The following SLC23A2 variants were observed in gnomAD, a reference collection of about 807,000 sequenced individuals.
SLC23A2 encodes the protein solute carrier family 23 member 2.
Under a neutral mutation model 73.3 loss-of-function variants are expected in SLC23A2, and 36 were observed. The ratio of observed to expected loss-of-function variants is 0.49; its 90% CI spans 0.38 to 0.65. The LOEUF is 0.65. SLC23A2 is among the 30% of genes least tolerant of loss of function. The pLI is 0.00. For synonymous variants in SLC23A2, 343 were observed against 327.3 expected (o/e 1.05, Z -0.52); for missense variants, 507 against 841.6 (o/e 0.60, Z 4.92).
At chr20:4,988,744 AAAAG>A (rs1355466131) in intron 1 of SLC23A2, among the ~76,000 whole-genome samples, 114 of 151,266 alleles carry the variant, frequency 7.5e-4, no homozygotes, top group African/African-American at 2.6e-3. Flanking sequence ...CAAAAAAAAA[AAAAG>A]AAAGAAAGAA....
At chr20:4,988,914 A>G (rs901532840) in intron 1 of SLC23A2, among the ~76,000 whole-genome samples, 5 of 151,700 alleles carry the variant, frequency 3.3e-5, no homozygotes, top group African/African-American at 9.7e-5. Flanking sequence ...CTGTCAAGGA[A>G]AGGGAAAGGG....
intron 9 of SLC23A2, among the ~76,000 whole-genome samples, chr20:4,875,382 C>T (rs920613959): frequency 6.6e-6 from 1 of 152,166 alleles, no homozygotes; most frequent in Non-Finnish European, 1.5e-5. Context: ...CTCAACCTTA[C>T]GGGGTGGCTT....
intron 1 of SLC23A2, among the ~76,000 whole-genome samples, chr20:4,983,482 TA>T (rs36060486): frequency 0.23 from 34,660 of 150,884 alleles, 6,344 homozygotes; most frequent in African/African-American, 0.5. Context: ...CCGTCTCTAC[TA>T]AAAATACAAA....
chr20:4,921,795 A>G (rs890621179), intron 3 of SLC23A2, among the ~76,000 whole-genome samples: 19 of 152,198 alleles, frequency 1.2e-4, no homozygotes, highest in Admixed American at 1.2e-3. Flanking sequence ...ATAATGAAAA[A>G]GGGACAGAAA....
At chr20:5,004,856 G>C (rs1011777592), upstream of SLC23A2, among the ~76,000 whole-genome samples, 8 of 151,992 alleles carry the variant, frequency 5.3e-5, no homozygotes, top group Non-Finnish European at 1.2e-4. Context: ...AAAATTAGCC[G>C]AGCATGGTGG....
chr20:5,009,230 C>A (rs1189069940), intron 1 of SLC23A2, among the ~76,000 whole-genome samples: 1 of 152,084 alleles, frequency 6.6e-6, no homozygotes, highest in Non-Finnish European at 1.5e-5. Flanking sequence ...TTCTCAGATT[C>A]TTCTTCCTCC....
At chr20:5,004,813 A>T (rs1286263660), upstream of SLC23A2, among the ~76,000 whole-genome samples, 2 of 152,144 alleles carry the variant, frequency 1.3e-5, no homozygotes, top group Non-Finnish European at 2.9e-5. Flanking sequence ...CAGCCTGACC[A>T]ACATGGAGAA....
intron 5 of SLC23A2, among the ~76,000 whole-genome samples, chr20:4,901,674 T>C (rs1032011863): frequency 3.9e-5 from 6 of 152,024 alleles, no homozygotes; most frequent in African/African-American, 1.4e-4. Context: ...GCTGCTACCA[T>C]GGCAAGTTTC....
upstream of SLC23A2, among the ~76,000 whole-genome samples, chr20:5,002,052 C>A (rs2088135944): frequency 6.6e-6 from 1 of 152,072 alleles, no homozygotes; most frequent in Admixed American, 6.5e-5. Context: ...CTCTGGGGGT[C>A]GTGTTAGGCT....
intron 3 of SLC23A2, among the ~76,000 whole-genome samples, chr20:4,930,605 G>C (rs1243765987): frequency 1.3e-5 from 2 of 152,224 alleles, no homozygotes. Context: ...GATCACCTGA[G>C]GTCAGGAGTT....
intron 2 of SLC23A2, among the ~76,000 whole-genome samples, chr20:4,967,880 A>G (rs981316661): frequency 9.8e-5 from 15 of 152,344 alleles, no homozygotes; most frequent in African/African-American, 3.6e-4. Flanking sequence ...CAGCTATGAA[A>G]GCCAGGCACT....
chr20:4,969,315 C>T lies in SLC23A2; in HGVS notation c.-155+1478G>A, dbSNP rs149676816. On this transcript the variant is annotated intron_variant, in intron 2 of 16. Coordinates refer to ENST00000338244, the MANE Select transcript of SLC23A2 (RefSeq NM_005116.6). ...TGTTGTACAGGCTGGTCTTGAACTC[C>T]GGACCTCAGGTGATCCGCCCGCCTC... Among the ~76,000 whole-genome samples the T allele has an allele frequency of 2.2e-3, 328 of 152,010 alleles. 1 individual carries two copies. Among genetic ancestry groups the T allele is most frequent in the East Asian group, 0.014 (73 of 5,150 alleles).
intron 2 of SLC23A2, among the ~76,000 whole-genome samples, chr20:4,952,917 G>A (rs6084943): frequency 6.6e-6 from 1 of 152,040 alleles, no homozygotes; most frequent in Admixed American, 6.6e-5. Flanking sequence ...CAGCTACTCA[G>A]GAGGCTGAGG....
intron 1 of SLC23A2, among the ~76,000 whole-genome samples, chr20:4,976,114 A>G (rs1425465840): frequency 4.0e-5 from 6 of 151,220 alleles, no homozygotes; most frequent in African/African-American, 1.5e-4. Flanking sequence ...CGCCCTCCCA[A>G]AGTGCTGGAA....
intron 2 of SLC23A2, among the ~76,000 whole-genome samples, chr20:4,958,944 C>A (rs538158380): frequency 6.6e-6 from 1 of 151,974 alleles, no homozygotes. Flanking sequence ...GGTGTGGTGG[C>A]TCATGCCTGT....
intron 1 of SLC23A2, among the ~76,000 whole-genome samples, chr20:5,000,106 G>A (rs2088092590): frequency 2.0e-5 from 3 of 152,040 alleles, no homozygotes; most frequent in Admixed American, 6.6e-5. Context: ...GTAGTAATAC[G>A]TTCATAAGTG....
intron 3 of SLC23A2, among the ~76,000 whole-genome samples, chr20:4,930,610 G>C (rs1932778233): frequency 1.3e-5 from 2 of 152,232 alleles, no homozygotes; most frequent in Admixed American, 6.5e-5. Flanking sequence ...CCTGAGGTCA[G>C]GAGTTCGAGA....
At chr20:4,893,782 C>T (rs1416625794) in intron 6 of SLC23A2, among the ~76,000 whole-genome samples, 1 of 152,198 alleles carries the variant, frequency 6.6e-6, no homozygotes, top group African/African-American at 2.4e-5. Flanking sequence ...CAGGAGGGCT[C>T]TCTCAGAGGG....
intron 8 of SLC23A2, 70 bp downstream of exon 8, chr20:4,884,683 T>C: frequency 9.9e-7 from 1 of 1,005,054 alleles, no homozygotes; most frequent in Non-Finnish European, 1.6e-6. Context: ...CTGCTATTTC[T>C]TGGGTCAACC....
Sources: gnomAD v4.1 joint callset for allele counts (sites outside exome capture counted in the v4.1 genomes callset) on GRCh38, gnomAD v4.1.1 for gene constraint, MANE v1.5 for transcripts, NCBI Gene and HGNC (gene_info 2026-07-23, HGNC 2026-07-21) for gene names.